CADM1: variants seen among roughly 807,000 people sequenced by gnomAD.
The protein encoded by CADM1 is cell adhesion molecule 1.
Under a neutral mutation model 53.1 loss-of-function variants are expected in CADM1, and 15 were observed. The observed-to-expected ratio is 0.28, with a 90% CI of 0.19 to 0.44. The LOEUF (loss-of-function observed/expected upper bound fraction) is 0.44, where lower values mean the gene tolerates loss of function less well. CADM1 is among the 20% of genes least tolerant of loss of function. The pLI is 1.00. For synonymous variants in CADM1, 281 were observed against 243.0 expected, an observed-to-expected ratio of 1.16 and a Z score of -1.45; for missense variants, 434 against 611.3, an observed-to-expected ratio of 0.71 and a Z score of 3.06.
chr11:115,301,630 A>G (rs538410308), intron 1 of CADM1, among the ~76,000 whole-genome samples: 1 of 152,218 alleles, frequency 6.6e-6, no homozygotes, highest in South Asian at 2.1e-4. Flanking sequence ...TGTGAGCAGT[A>G]ATATGATACA....
intron 1 of CADM1, among the ~76,000 whole-genome samples, chr11:115,308,571 TTTTTTCACAAAGTAACCTA>T (rs1341946670): frequency 2.6e-5 from 4 of 152,050 alleles, no homozygotes; most frequent in African/African-American, 9.7e-5. Context: ...TTAGAGTGAT[TTTTTTCACAAAGTAACCTA>T]TTTTTCACAT....
intron 1 of CADM1, among the ~76,000 whole-genome samples, chr11:115,258,223 C>G (rs1942857122): frequency 6.6e-6 from 1 of 152,122 alleles, no homozygotes; most frequent in African/African-American, 2.4e-5. Context: ...AATCCATGTC[C>G]CTTTTTTTCT....
chr11:115,499,701 A>C (rs537136391), intron 1 of CADM1, among the ~76,000 whole-genome samples: 1 of 152,228 alleles, frequency 6.6e-6, no homozygotes, highest in African/African-American at 2.4e-5. Context: ...GCAGAGTAAG[A>C]TTCTTCCCTC....
chr11:115,404,346 A>AAAAAAAAATAT (rs1947251974), intron 1 of CADM1, among the ~76,000 whole-genome samples: 1 of 33,782 alleles, frequency 3.0e-5, no homozygotes, highest in African/African-American at 1.4e-4. Context: ...AAAAAAAAAA[A>AAAAAAAAATAT]ATATATATAT....
chr11:115,422,629 T>G (rs1043970132), intron 1 of CADM1, among the ~76,000 whole-genome samples: 9 of 152,180 alleles, frequency 5.9e-5, no homozygotes, highest in African/African-American at 2.2e-4. Flanking sequence ...AACCTACATT[T>G]CTGGATCCTG....
At chr11:115,314,316 G>T (rs749112223) in intron 1 of CADM1, among the ~76,000 whole-genome samples, 1 of 152,100 alleles carries the variant, frequency 6.6e-6, no homozygotes, top group African/African-American at 2.4e-5. Flanking sequence ...TAATGAGCTC[G>T]GGTCCCTATT....
chr11:115,241,067 C>A, intron 1 of CADM1: 1 of 153,032 alleles, frequency 6.5e-6, no homozygotes, highest in South Asian at 2.1e-4. Flanking sequence ...GAACTGACAC[C>A]CCTATCTGCA....
chr11:115,281,021 G>A (rs777670160), intron 1 of CADM1, among the ~76,000 whole-genome samples: 1 of 152,314 alleles, frequency 6.6e-6, no homozygotes, highest in Non-Finnish European at 1.5e-5. Context: ...GAGGGCTATG[G>A]CCCCTCTGGC....
Position 115,178,689 on chromosome 11 carries a change from G to A in CADM1, c.1252C>T (p.Leu418=). 1 of 1,613,630 alleles carries A rather than the reference G, an allele frequency of 6.2e-7. No individual in the cohort carries two copies. ...CGCCCCAGAATGATGAGCAAGCACA[G>A]CATGGCGAACACCACCACCGCCACG... is the stretch of plus-strand genomic sequence containing the variant. ...GVVAVVVFAM[L]CLLIILGRYF... Residue 418 remains leucine (L), a synonymous_variant, in exon 11 of 12, where the codon CTG becomes TTG. Coordinates refer to ENST00000331581, the MANE Select transcript of CADM1 (RefSeq NM_001301043.2).
At chr11:115,188,358 G>T (rs933477043) in intron 10 of CADM1, among the ~76,000 whole-genome samples, 1 of 152,266 alleles carries the variant, frequency 6.6e-6, no homozygotes, top group Middle Eastern at 3.4e-3. Context: ...CCCCAGGCCT[G>T]CCAATAATTA....
intron 1 of CADM1, among the ~76,000 whole-genome samples, chr11:115,433,688 C>T (rs1948112792): frequency 6.6e-6 from 1 of 152,168 alleles, no homozygotes; most frequent in South Asian, 2.1e-4. Context: ...CAAATATAAT[C>T]CCCACTTCCC....
chr11:115,391,341 A>G (rs1248748719), intron 1 of CADM1, among the ~76,000 whole-genome samples: 1 of 152,174 alleles, frequency 6.6e-6, no homozygotes, highest in Non-Finnish European at 1.5e-5. Flanking sequence ...TTTATCAGCA[A>G]AACGATTACA....
chr11:115,281,655 T>C (rs910438648), intron 1 of CADM1, among the ~76,000 whole-genome samples: 3 of 152,038 alleles, frequency 2.0e-5, no homozygotes, highest in African/African-American at 7.2e-5. Flanking sequence ...AAAATGAGTC[T>C]GCTAAAAAAA....
chr11:115,335,813 G>C (rs1279199780), intron 1 of CADM1, among the ~76,000 whole-genome samples: 1 of 152,094 alleles, frequency 6.6e-6, no homozygotes, highest in Non-Finnish European at 1.5e-5. Context: ...AATATCATAA[G>C]AAAAGTCAAT....
intron 1 of CADM1, among the ~76,000 whole-genome samples, chr11:115,289,591 T>C (rs1366786573): frequency 3.2e-5 from 4 of 126,730 alleles, no homozygotes; most frequent in African/African-American, 1.4e-4. Flanking sequence ...TTCTTTTTTT[T>C]TCTTTTTTTT....
At chr11:115,283,227 C>T (rs938908587) in intron 1 of CADM1, among the ~76,000 whole-genome samples, 8 of 152,086 alleles carry the variant, frequency 5.3e-5, no homozygotes, top group Non-Finnish European at 8.8e-5. Context: ...TTAGAGGCTA[C>T]GCAAAAAGAG....
chr11:115,202,080 T>G (rs1008949322), intron 8 of CADM1, among the ~76,000 whole-genome samples: 1 of 152,192 alleles, frequency 6.6e-6, no homozygotes, highest in Non-Finnish European at 1.5e-5. Flanking sequence ...AGACCCCATC[T>G]TGAATAAATG....
intron 1 of CADM1, among the ~76,000 whole-genome samples, chr11:115,409,532 G>A (rs996210503): frequency 5.3e-5 from 8 of 151,560 alleles, no homozygotes; most frequent in African/African-American, 1.7e-4. Context: ...GAATCCAAGT[G>A]GCCCACCAAG....
intron 9 of CADM1, among the ~76,000 whole-genome samples, chr11:115,195,522 T>C (rs938723034): frequency 6.6e-6 from 1 of 152,240 alleles, no homozygotes; most frequent in African/African-American, 2.4e-5. Context: ...GTCTTGTCAT[T>C]TAAGTTGCTA....
Sources: allele counts gnomAD v4.1 joint callset (sites outside exome capture counted in the v4.1 genomes callset), GRCh38; gene constraint gnomAD v4.1.1; transcripts MANE v1.5; gene names NCBI Gene and HGNC (gene_info 2026-07-23, HGNC 2026-07-21).